Variants in RBFOX1 observed in about 807,000 individuals in gnomAD.
RBFOX1 encodes RNA binding fox-1 homolog 1.
RBFOX1 carries 8 observed loss-of-function variants against 57.7 expected under a neutral mutation model. That is an observed-to-expected ratio of 0.14 (90% CI 0.08 to 0.25). The LOEUF (loss-of-function observed/expected upper bound fraction) is 0.25, where lower values mean the gene tolerates loss of function less well. RBFOX1 is among the 10% of genes least tolerant of loss of function. The pLI, the probability that RBFOX1 is intolerant of heterozygous loss-of-function variation, is 1.00. For missense variants in RBFOX1, 611 were observed against 548.5 expected (o/e 1.11, Z -1.14); for synonymous variants, 326 against 222.4 (o/e 1.47, Z -4.15).
intron 1 of RBFOX1, among the ~76,000 whole-genome samples, chr16:6,058,579 C>A (rs1330440835): frequency 6.6e-6 from 1 of 152,088 alleles, no homozygotes; most frequent in Non-Finnish European, 1.5e-5. Flanking sequence ...TCCATGTATT[C>A]ATCCATCTAT....
At chr16:5,325,508 A>G (rs902761798) in intron 1 of RBFOX1, among the ~76,000 whole-genome samples, 1 of 152,220 alleles carries the variant, frequency 6.6e-6, no homozygotes, top group East Asian at 1.9e-4. Context: ...TAACACATAT[A>G]TAGATTTGCA....
At chr16:7,192,906 C>G (rs1414998528) in intron 4 of RBFOX1, among the ~76,000 whole-genome samples, 4 of 152,208 alleles carry the variant, frequency 2.6e-5, no homozygotes, top group South Asian at 4.1e-4. Context: ...GTCTCACACC[C>G]TCTTCTGAGA....
chr16:6,820,979 A>T (rs1159712629), intron 3 of RBFOX1, among the ~76,000 whole-genome samples: 1 of 152,226 alleles, frequency 6.6e-6, no homozygotes, highest in East Asian at 1.9e-4. Flanking sequence ...ATTATGTGTT[A>T]TATACAGTTA....
chr16:6,833,225 G>C (rs933875661), intron 3 of RBFOX1, among the ~76,000 whole-genome samples: 2 of 151,748 alleles, frequency 1.3e-5, no homozygotes, highest in Non-Finnish European at 2.9e-5. Context: ...GAGTGCAGTG[G>C]TAAAATCTCG....
At chr16:7,114,733 G>C (rs1253542781) in intron 4 of RBFOX1, among the ~76,000 whole-genome samples, 1 of 152,148 alleles carries the variant, frequency 6.6e-6, no homozygotes, top group Non-Finnish European at 1.5e-5. Context: ...GAAGAGTCCT[G>C]CTAGGTGCAT....
intron 1 of RBFOX1, among the ~76,000 whole-genome samples, chr16:6,272,717 A>G (rs1438848668): frequency 6.6e-6 from 1 of 152,234 alleles, no homozygotes; most frequent in East Asian, 1.9e-4. Context: ...CCGGTGTGGC[A>G]ATGGCAGATG....
chr16:7,294,976 A>G, intron 4 of RBFOX1, among the ~76,000 whole-genome samples: 1 of 152,204 alleles, frequency 6.6e-6, no homozygotes, highest in South Asian at 2.1e-4. Flanking sequence ...TGGAACTATA[A>G]AAATAATCTA....
intron 2 of RBFOX1, among the ~76,000 whole-genome samples, chr16:6,448,827 AT>A (rs2153040687): frequency 6.6e-6 from 1 of 152,296 alleles, no homozygotes; most frequent in African/African-American, 2.4e-5. Context: ...TAAGGTACAT[AT>A]GTAGCCACTA....
chr16:5,963,058 C>T (rs1264468596), intron 4 of RBFOX1, among the ~76,000 whole-genome samples: 2 of 151,892 alleles, frequency 1.3e-5, no homozygotes, highest in African/African-American at 4.8e-5. Context: ...GTATCCTGAT[C>T]GTAATATGTG....
chr16:7,518,246 G>T lies in RBFOX1; in HGVS notation c.127G>T (p.Ala43Ser), dbSNP rs2076793649. 3 of 1,614,068 alleles carry T rather than the reference G, an allele frequency of 1.9e-6. No individual in the cohort carries two copies. The highest frequency in any genetic ancestry group is 1.7e-4 in the Middle Eastern group (1 of 6,060). ...PQNGIPAEYTAPHPHPAPEYT... is the reference protein window; with the variant it reads ...PQNGIPAEYTSPHPHPAPEYT... ...GAACGGTATCCCCGCGGAATACACGGCCCCTCATCCCCACCCCGCGCCAGA... is the reference window on the plus strand; with the variant it reads ...GAACGGTATCCCCGCGGAATACACGTCCCCTCATCCCCACCCCGCGCCAGA... The change falls in exon 5 of 16, where the codon GCC becomes TCC. Residue 43 changes from alanine to serine, a missense_variant. Coordinates refer to ENST00000550418, the MANE Select transcript of RBFOX1 (RefSeq NM_018723.4).
At chr16:6,173,919 G>A (rs937160144) in intron 1 of RBFOX1, among the ~76,000 whole-genome samples, 1 of 151,972 alleles carries the variant, frequency 6.6e-6, no homozygotes, top group Non-Finnish European at 1.5e-5. Flanking sequence ...CTAATTATGA[G>A]TCAGAGGAAA....
At chr16:7,491,313 C>G (rs1192133053) in intron 4 of RBFOX1, among the ~76,000 whole-genome samples, 3 of 151,458 alleles carry the variant, frequency 2.0e-5, no homozygotes, top group East Asian at 3.9e-4. Flanking sequence ...CTATTTAATG[C>G]AACTTGTCAT....
At chr16:6,453,572 G>C (rs929615476) in intron 2 of RBFOX1, among the ~76,000 whole-genome samples, 8 of 152,148 alleles carry the variant, frequency 5.3e-5, no homozygotes, top group African/African-American at 1.9e-4. Flanking sequence ...CCCAGGACCA[G>C]ACGGATTCAC....
intron 2 of RBFOX1, among the ~76,000 whole-genome samples, chr16:6,388,777 G>C (rs1375642725): frequency 6.6e-6 from 1 of 152,138 alleles, no homozygotes; most frequent in Non-Finnish European, 1.5e-5. Flanking sequence ...TCCATCACTT[G>C]TGGCAATATG....
At chr16:7,072,942 G>C (rs1474671609) in intron 4 of RBFOX1, among the ~76,000 whole-genome samples, 2 of 152,212 alleles carry the variant, frequency 1.3e-5, no homozygotes. Flanking sequence ...ATCTGTGTGG[G>C]AAGGAGAAGT....
chr16:5,661,141 A>G (rs79836475), intron 3 of RBFOX1, among the ~76,000 whole-genome samples: 2,788 of 152,298 alleles, frequency 0.018, 79 homozygotes, highest in African/African-American at 0.064. Context: ...TTTCCTCACT[A>G]TATATCTCTT....
At chr16:6,055,582 G>C (rs1057199934) in intron 1 of RBFOX1, among the ~76,000 whole-genome samples, 1 of 103,474 alleles carries the variant, frequency 9.7e-6, no homozygotes, top group Non-Finnish European at 1.8e-5. Flanking sequence ...AACAGAGTGA[G>C]ACTCCGTCAA....
At chr16:7,546,592 A>G (rs1290033244) in intron 5 of RBFOX1, among the ~76,000 whole-genome samples, 1 of 152,170 alleles carries the variant, frequency 6.6e-6, no homozygotes, top group Non-Finnish European at 1.5e-5. Context: ...AAAAAATTAG[A>G]AAATAGATAA....
chr16:5,931,911 A>G (rs915723892), intron 4 of RBFOX1, among the ~76,000 whole-genome samples: 1 of 152,120 alleles, frequency 6.6e-6, no homozygotes, highest in African/African-American at 2.4e-5. Flanking sequence ...GGGCTCGAGC[A>G]TTCCACCCAC....
Sources: gnomAD v4.1 joint callset for allele counts (sites outside exome capture counted in the v4.1 genomes callset) on GRCh38, gnomAD v4.1.1 for gene constraint, MANE v1.5 for transcripts, NCBI Gene and HGNC (gene_info 2026-07-23, HGNC 2026-07-21) for gene names.